Variants in KIF21A observed in about 807,000 individuals in gnomAD.
KIF21A encodes the protein kinesin family member 21A.
In KIF21A, 114 loss-of-function variants were observed where a neutral mutation model predicts 202.9. The ratio of observed to expected loss-of-function variants is 0.56; its 90% CI spans 0.48 to 0.66. KIF21A has a LOEUF of 0.66. Among genes scored for constraint, KIF21A ranks in the 30% least tolerant of loss-of-function variants. The probability of loss-of-function intolerance (pLI) is 0.00; values close to 1 mark genes in which losing one functional copy is unlikely to be tolerated. For synonymous variants in KIF21A, 667 were observed against 670.8 expected (o/e 0.99, Z 0.09); for missense variants, 1,677 against 1,994.9 (o/e 0.84, Z 3.04).
intron 35 of KIF21A, among the ~76,000 whole-genome samples, chr12:39,304,561 A>G (rs1246698122): frequency 6.6e-6 from 1 of 152,238 alleles, no homozygotes; most frequent in Non-Finnish European, 1.5e-5. Flanking sequence ...TCATGACAAT[A>G]AGACTCATGT....
At chr12:39,351,731 T>A (rs746885094) in intron 11 of KIF21A, 46 bp downstream of exon 11, 44 of 1,189,722 alleles carry the variant, frequency 3.7e-5, no homozygotes, top group Non-Finnish European at 5.1e-5. Flanking sequence ...TAAAATACCC[T>A]GAAAAGGAAA....
chr12:39,399,009 A>C (rs1951967079), intron 1 of KIF21A, among the ~76,000 whole-genome samples: 1 of 152,172 alleles, frequency 6.6e-6, no homozygotes, highest in African/African-American at 2.4e-5. Context: ...GAATCACTTG[A>C]GCACAAGAGT....
intron 32 of KIF21A, among the ~76,000 whole-genome samples, chr12:39,310,983 C>A (rs1455536781): frequency 1.3e-5 from 2 of 152,030 alleles, no homozygotes; most frequent in Non-Finnish European, 2.9e-5. Context: ...CAACATGTAT[C>A]TCATTGAGAT....
chr12:39,395,055 G>C (rs1388769233), intron 1 of KIF21A, among the ~76,000 whole-genome samples: 1 of 152,036 alleles, frequency 6.6e-6, no homozygotes, highest in Non-Finnish European at 1.5e-5. Flanking sequence ...TATTAGCTCA[G>C]TTCAAAGCCA....
chr12:39,366,258 G>T, intron 6 of KIF21A, 92 bp downstream of exon 6: 1 of 1,162,748 alleles, frequency 8.6e-7, no homozygotes, highest in Non-Finnish European at 1.3e-6. Flanking sequence ...TTCAGTATCT[G>T]AAGGATTTCC....
At chr12:39,330,188 A>G (rs1448227825) in intron 24 of KIF21A, 54 bp downstream of exon 24, 3 of 1,513,854 alleles carry the variant, frequency 2.0e-6, no homozygotes, top group Non-Finnish European at 9.2e-7. Flanking sequence ...AGTGTACATG[A>G]ACAATTAGTA....
chr12:39,362,566 T>C (rs766833544), intron 7 of KIF21A, among the ~76,000 whole-genome samples: 31 of 152,104 alleles, frequency 2.0e-4, no homozygotes, highest in Admixed American at 4.6e-4. Context: ...GTCAGTGATA[T>C]TGGCAAAGTT....
chr12:39,317,832 C>A (rs1944732669), intron 29 of KIF21A, among the ~76,000 whole-genome samples: 1 of 152,142 alleles, frequency 6.6e-6, no homozygotes, highest in Admixed American at 6.5e-5. Context: ...AAAGGCAAGA[C>A]AAGTGCTGAA....
rs375950963 is a variant in KIF21A at position 39,370,096 on chromosome 12, T to G, written c.210A>C (p.Glu70Asp). ...QQEQIYIQCI[E>D]KLIEGCFEGY... ...CTTCAAAGCAACCTTCAATTAGTTT[T>G]TCTATACATTGAATGTAGATCTGCT... The change falls in exon 2 of 38, where the codon GAA (glutamate) becomes GAC (aspartate). Residue 70 changes from glutamate (E) to aspartate (D), a missense_variant. Transcript: ENST00000361418. 5.6e-6 allele frequency: 9 copies of G among 1,613,842 alleles called. No individual in the cohort carries two copies. Among genetic ancestry groups the G allele is most frequent in the Non-Finnish European group, 7.6e-6 (9 of 1,179,818 alleles).
At chr12:39,307,761 C>T (rs756896833) in intron 33 of KIF21A, 32 bp from the exon 34 acceptor site, 23 of 1,604,242 alleles carry the variant, frequency 1.4e-5, no homozygotes, top group Non-Finnish European at 2.0e-5. Context: ...AAAAAAGTCA[C>T]ACTTCTGGAC....
chr12:39,380,850 A>G lies in KIF21A; in HGVS notation c.45-10589T>C, dbSNP rs1950565256. Among the ~76,000 whole-genome samples, 2 of 152,228 alleles carry G rather than the reference A, an allele frequency of 1.3e-5. 1 individual carries two copies. The highest frequency in any genetic ancestry group is 2.9e-5 in the Non-Finnish European group (2 of 68,040). Reference sequence around the variant, plus strand: ...ATGATATTTCAACTCTCATTCTCAGATTAGTTTCTAGCATCTTCTATTTTT... The same window carrying G: ...ATGATATTTCAACTCTCATTCTCAGGTTAGTTTCTAGCATCTTCTATTTTT... On this transcript the variant is annotated intron_variant, in intron 1 of 37. Coordinates refer to ENST00000361418, the MANE Select transcript of KIF21A (RefSeq NM_001173464.2).
intron 1 of KIF21A, among the ~76,000 whole-genome samples, chr12:39,423,008 T>C (rs1297074754): frequency 1.3e-5 from 2 of 152,208 alleles, no homozygotes; most frequent in African/African-American, 4.8e-5. Context: ...AGACTAATAA[T>C]AGTACCAATA....
At chr12:39,313,588 A>G (rs1944237898) in intron 31 of KIF21A, among the ~76,000 whole-genome samples, 1 of 151,868 alleles carries the variant, frequency 6.6e-6, no homozygotes, top group Non-Finnish European at 1.5e-5. Context: ...GTCACTGCTG[A>G]TCTGGAAGAT....
At chr12:39,314,762 A>G (rs1189020300) in intron 31 of KIF21A, among the ~76,000 whole-genome samples, 1 of 151,894 alleles carries the variant, frequency 6.6e-6, no homozygotes, top group Admixed American at 6.6e-5. Flanking sequence ...AGGTTATAGT[A>G]TCATAAAATA....
intron 26 of KIF21A, among the ~76,000 whole-genome samples, chr12:39,323,620 T>C (rs1267182477): frequency 6.6e-6 from 1 of 152,176 alleles, no homozygotes; most frequent in Non-Finnish European, 1.5e-5. Flanking sequence ...CAAGTGACTA[T>C]CCGGTTATTG....
rs377047702 is a variant in KIF21A at position 39,332,278 on chromosome 12, A to G, written c.2987T>C (p.Ile996Thr). The part of the protein sequence containing the change: ...NEEMESLTAN[I>T]DYINDSISDC... Reference sequence around the variant, plus strand: ...AGAAATACTGTCATTGATGTAATCGATATTAGCAGTCAGTGACTCCATCTC... The same window carrying G: ...AGAAATACTGTCATTGATGTAATCGGTATTAGCAGTCAGTGACTCCATCTC... The change falls in exon 21 of 38, where the codon ATC (isoleucine) becomes ACC (threonine). Residue 996 changes from isoleucine to threonine, a missense_variant. Ile to Thr is a moderately conservative substitution (Grantham distance 89). Coordinates refer to ENST00000361418, the MANE Select transcript of KIF21A (RefSeq NM_001173464.2). 2 of 1,613,902 alleles carry G rather than the reference A, an allele frequency of 1.2e-6. No individual in the cohort carries two copies. Among genetic ancestry groups the G allele is most frequent in the East Asian group, 2.2e-5 (1 of 44,842 alleles).
At chr12:39,426,279 G>C (rs1162788501) in intron 1 of KIF21A, among the ~76,000 whole-genome samples, 1 of 152,242 alleles carries the variant, frequency 6.6e-6, no homozygotes, top group Non-Finnish European at 1.5e-5. Flanking sequence ...TTAACTAACT[G>C]TGTGAGAAAA....
chr12:39,389,800 G>T (rs1011854568), intron 1 of KIF21A, among the ~76,000 whole-genome samples: 10 of 152,082 alleles, frequency 6.6e-5, no homozygotes, highest in Admixed American at 6.6e-5. Context: ...CTTTTAAAAT[G>T]TTAATTCACA....
chr12:39,301,463 C>T lies in KIF21A; in HGVS notation c.4931+17G>A, dbSNP rs1942954904. 1 of 1,600,700 alleles carries T rather than the reference C, an allele frequency of 6.2e-7. No homozygotes were observed. Among genetic ancestry groups the T allele is most frequent in the Admixed American group, 1.7e-5 (1 of 59,986 alleles). On this transcript the variant is annotated intron_variant, in intron 37 of 37. Coordinates refer to ENST00000361418, the MANE Select transcript of KIF21A (RefSeq NM_001173464.2). ...AGAAGCAACCAATATAGAGAAAAAT[C>T]ATATAAGAAAACTTACTCAGCTGCA...
Sources: gnomAD v4.1 joint callset for allele counts (sites outside exome capture counted in the v4.1 genomes callset) on GRCh38, gnomAD v4.1.1 for gene constraint, MANE v1.5 for transcripts, NCBI Gene and HGNC (gene_info 2026-07-23, HGNC 2026-07-21) for gene names.